The following PATJ variants were observed in gnomAD, a reference collection of about 807,000 sequenced individuals.
The protein encoded by PATJ is PATJ crumbs cell polarity complex component.
PATJ carries 190 observed loss-of-function variants against 224.9 expected under a neutral mutation model. That is an observed-to-expected ratio of 0.84 (90% CI 0.75 to 0.95). The LOEUF (loss-of-function observed/expected upper bound fraction) is 0.95. PATJ is among the 40% of genes least tolerant of loss of function. The pLI is 0.00. For synonymous variants in PATJ, 769 were observed against 820.3 expected (o/e 0.94, Z 1.07); for missense variants, 2,121 against 2,270.3 (o/e 0.93, Z 1.34).
At chr1:62,137,554 G>A (rs111615888) in intron 41 of PATJ, among the ~76,000 whole-genome samples, 6 of 8,400 alleles carry the variant, frequency 7.1e-4, no homozygotes, top group Non-Finnish European at 1.0e-3. Flanking sequence ...CTGGAGGGGG[G>A]AACACAGAGT....
chr1:61,777,477 C>T (rs525523), intron 7 of PATJ, among the ~76,000 whole-genome samples: 9,908 of 151,642 alleles, frequency 0.065, 360 homozygotes, highest in Non-Finnish European at 0.078. Flanking sequence ...TGCTTTGAGC[C>T]GAGATTGTGG....
intron 7 of PATJ, among the ~76,000 whole-genome samples, chr1:61,780,496 T>G (rs772388054): frequency 6.6e-6 from 1 of 152,058 alleles, no homozygotes; most frequent in Non-Finnish European, 1.5e-5. Context: ...ACCACACACA[T>G]CTGTGGCACA....
chr1:61,879,871 C>T (rs907758553), intron 21 of PATJ, among the ~76,000 whole-genome samples: 1 of 151,254 alleles, frequency 6.6e-6, no homozygotes, highest in Admixed American at 6.6e-5. Flanking sequence ...TAGAGTCTCA[C>T]TCTGTCACCC....
chr1:61,959,882 G>A (rs988224656), intron 27 of PATJ, among the ~76,000 whole-genome samples: 1 of 152,068 alleles, frequency 6.6e-6, no homozygotes, highest in Non-Finnish European at 1.5e-5. Flanking sequence ...AATTAGCCAG[G>A]CATGGTGGCA....
chr1:62,123,738 A>G (rs1048542239), intron 39 of PATJ, among the ~76,000 whole-genome samples: 2 of 142,312 alleles, frequency 1.4e-5, no homozygotes, highest in Non-Finnish European at 3.0e-5. Flanking sequence ...TGGCCTCCCA[A>G]AGTGCTGGGA....
At chr1:61,865,776 G>T (rs570620124) in intron 20 of PATJ, among the ~76,000 whole-genome samples, 1 of 152,102 alleles carries the variant, frequency 6.6e-6, no homozygotes, top group Non-Finnish European at 1.5e-5. Context: ...CATATGCAGC[G>T]TGTTGCTTCC....
chr1:61,814,519 A>AGTGTGTGTGTGT (rs67159092), intron 14 of PATJ, among the ~76,000 whole-genome samples: 1,911 of 143,962 alleles, frequency 0.013, 25 homozygotes, highest in African/African-American at 0.032. Flanking sequence ...CCTTTTGTTT[A>AGTGTGTGTGTGT]GTGTGTGTGT....
chr1:62,013,206 A>G (rs12078747), intron 28 of PATJ: 5,386 of 227,596 alleles, frequency 0.024, 171 homozygotes, highest in African/African-American at 0.084. Flanking sequence ...TCTCAGAATA[A>G]TAGTACCATA....
intron 17 of PATJ, among the ~76,000 whole-genome samples, chr1:61,841,631 C>T (rs914878159): frequency 2.1e-5 from 3 of 145,730 alleles, no homozygotes; most frequent in South Asian, 2.1e-4. Context: ...TTTGGGTCCA[C>T]GTCACCCATA....
chr1:62,022,051 T>C (rs1471369817), intron 29 of PATJ, among the ~76,000 whole-genome samples: 5 of 152,186 alleles, frequency 3.3e-5, no homozygotes, highest in African/African-American at 1.2e-4. Context: ...GTTTTTCAAA[T>C]GTATTGACAA....
chr1:62,012,156 T>C (rs944748549), intron 28 of PATJ, among the ~76,000 whole-genome samples: 4 of 137,680 alleles, frequency 2.9e-5, no homozygotes, highest in Non-Finnish European at 6.3e-5. Flanking sequence ...AGACCTAAGA[T>C]GGTAGAGTGA....
chr1:61,954,234 A>G (rs190925207), intron 27 of PATJ, among the ~76,000 whole-genome samples: 126 of 152,332 alleles, frequency 8.3e-4, no homozygotes, highest in African/African-American at 2.6e-3. Flanking sequence ...GACTTAGTCT[A>G]TCTTATATTA....
At chr1:62,013,411 A>G in intron 28 of PATJ, 1 of 985,364 alleles carries the variant, frequency 1.0e-6, no homozygotes, top group Non-Finnish European at 1.2e-6. Flanking sequence ...ACTTCCATTC[A>G]GGACTGCAAC....
At position 61,911,935 on chromosome 1, in the gene PATJ, G is replaced by GT. The variant is rs946819750; in HGVS notation, c.3493-2645dup. On this transcript the variant is annotated intron_variant, in intron 25 of 43. Coordinates refer to ENST00000642238, the MANE Select transcript of PATJ (RefSeq NM_001350145.3). ...TATATGTTAATGTATCATTACTGCTGTTTTTTTACATAAATGACACATTTC... is the reference window on the plus strand; with the variant it reads ...TATATGTTAATGTATCATTACTGCTGTTTTTTTTACATAAATGACACATTTC... Among the ~76,000 whole-genome samples the GT allele has an allele frequency of 1.1e-4, 17 of 148,936 alleles. No homozygotes were observed. In the East Asian group the frequency reaches 2.5e-3, roughly 22 times the overall value.
chr1:61,991,737 T>C, intron 28 of PATJ: 1 of 984,082 alleles, frequency 1.0e-6, no homozygotes, highest in Non-Finnish European at 1.2e-6. Context: ...AGCATAATCA[T>C]TACATAAATA....
chr1:61,990,096 T>C, intron 27 of PATJ, 72 bp from the exon 28 acceptor site: 2 of 1,104,124 alleles, frequency 1.8e-6, no homozygotes, highest in South Asian at 1.5e-5. Flanking sequence ...ACAGTAAGGA[T>C]GGGGAAATGC....
intron 43 of PATJ, among the ~76,000 whole-genome samples, chr1:62,160,314 T>C (rs1204312904): frequency 1.3e-5 from 2 of 152,280 alleles, no homozygotes; most frequent in East Asian, 1.9e-4. Flanking sequence ...CCTATTTAGA[T>C]GATCAAAGAT....
At chr1:62,141,891 C>T (rs1332416970) in intron 41 of PATJ, among the ~76,000 whole-genome samples, 3 of 150,760 alleles carry the variant, frequency 2.0e-5, no homozygotes, top group African/African-American at 7.3e-5. Flanking sequence ...AATTGCTTGA[C>T]CACGGGAGGC....
At position 62,154,978 on chromosome 1, in the gene PATJ, A is replaced by G. The variant is rs540756918; in HGVS notation, c.5502+1497A>G. 8.5e-5 allele frequency among the ~76,000 whole-genome samples: 13 copies of G among 152,366 alleles called. No homozygotes were observed. The South Asian group carries it at 2.7e-3, about 32-fold the overall frequency. ...CAAAAGAGGAGCGGAAAGGCAGCAC[A>G]GAAACATTCTGGGTAGCAGAATGCT... On this transcript the variant is annotated intron_variant, in intron 43 of 43. Transcript: ENST00000642238.
Sources: gnomAD v4.1 joint callset for allele counts (sites outside exome capture counted in the v4.1 genomes callset) on GRCh38, gnomAD v4.1.1 for gene constraint, MANE v1.5 for transcripts, NCBI Gene and HGNC (gene_info 2026-07-23, HGNC 2026-07-21) for gene names.